GAS2: variants seen among roughly 807,000 people sequenced by gnomAD.
The protein encoded by GAS2 is growth arrest-specific protein 2.
A neutral mutation model predicts 37.5 loss-of-function variants in GAS2; 20 were observed. The ratio of observed to expected loss-of-function variants is 0.53; its 90% confidence interval spans 0.37 to 0.77. The LOEUF (loss-of-function observed/expected upper bound fraction) is 0.77. Ranked by LOEUF, GAS2 falls within the 30% of genes least tolerant of loss-of-function variation. The pLI is 0.00. For missense variants in GAS2, 336 were observed against 373.4 expected (o/e 0.90, Z 0.82); for synonymous variants, 144 against 132.2 (o/e 1.09, Z -0.61).
At chr11:22,808,603 C>T (rs541057381) in intron 7 of GAS2, among the ~76,000 whole-genome samples, 17 of 152,320 alleles carry the variant, frequency 1.1e-4, no homozygotes, top group African/African-American at 3.4e-4. Flanking sequence ...TGTTTAAAAA[C>T]TGTTGTGACT....
intron 7 of GAS2, among the ~76,000 whole-genome samples, chr11:22,757,530 G>A (rs1854113706): frequency 6.6e-6 from 1 of 152,122 alleles, no homozygotes; most frequent in Non-Finnish European, 1.5e-5. Flanking sequence ...CCTGCAATAA[G>A]AGAGTTAACT....
chr11:22,715,635 T>C (rs1851638630), intron 3 of GAS2, among the ~76,000 whole-genome samples: 2 of 151,858 alleles, frequency 1.3e-5, no homozygotes. Flanking sequence ...ACAACCCTTG[T>C]AGATTAAACC....
intron 7 of GAS2, among the ~76,000 whole-genome samples, chr11:22,805,849 GT>G (rs2134671377): frequency 6.6e-6 from 1 of 152,188 alleles, no homozygotes; most frequent in Non-Finnish European, 1.5e-5. Context: ...ACCATATAGG[GT>G]AACTTCCTGA....
intron 7 of GAS2, among the ~76,000 whole-genome samples, chr11:22,796,376 T>C (rs189838195): frequency 4.6e-5 from 7 of 152,252 alleles, no homozygotes; most frequent in Non-Finnish European, 1.0e-4. Context: ...TAGTTCCACC[T>C]CTGTCACTCT....
chr11:22,663,357 G>A (rs549014379), upstream of GAS2, among the ~76,000 whole-genome samples: 1 of 151,702 alleles, frequency 6.6e-6, no homozygotes, highest in East Asian at 1.9e-4. Context: ...AGAGCCTGAA[G>A]GTCAAGGCTG....
Position 22,661,324 on chromosome 11 carries a change from G to GATTT in GAS2, c.-20-13504_-20-13501dup, listed in dbSNP as rs200705441. On this transcript the variant is annotated intron_variant, in intron 1 of 5. Coordinates refer to the GAS2 transcript ENST00000528582. ...TCCCTTGGATATGCAGTGGTTTTAT[G>GATTT]ATTTATTTATTTATTTATTTATTTA... Among the ~76,000 whole-genome samples the GATTT allele has an allele frequency of 4.2e-3, 635 of 152,038 alleles. 13 individuals are homozygous for GATTT. In the East Asian group the frequency reaches 0.074, roughly 18 times the overall value.
intron 3 of GAS2, among the ~76,000 whole-genome samples, chr11:22,697,256 A>G (rs1364266641): frequency 1.3e-5 from 2 of 151,744 alleles, no homozygotes; most frequent in African/African-American, 2.4e-5. Context: ...ATAGTTGTAG[A>G]TAAGTGGCGT....
chr11:22,751,709 A>G (rs1348977380), intron 6 of GAS2, among the ~76,000 whole-genome samples: 6 of 151,972 alleles, frequency 3.9e-5, no homozygotes, highest in African/African-American at 1.4e-4. Flanking sequence ...TTTCTTCACT[A>G]GCTTGTCCCC....
chr11:22,749,135 T>G lies in GAS2; in HGVS notation c.489T>G (p.Pro163=), dbSNP rs1327579129. The change falls in exon 6 of 8, where the codon CCT becomes CCG. Residue 163 remains proline (P), a synonymous_variant. Coordinates refer to ENST00000454584, the MANE Select transcript of GAS2 (RefSeq NM_001143830.3). The stretch of plus-strand genomic sequence containing the variant: ...CTTTTTAAAGGTATGGTGTGGAGCC[T>G]CCTGGTTTGATAAAGCTGGAAAAAG... ...GRIAARYGVE[P]PGLIKLEKEI... is the part of the protein sequence containing the mutation. 6.2e-7 allele frequency: 1 copy of G among 1,612,264 alleles called. No homozygotes were observed. The highest frequency in any genetic ancestry group is 8.5e-7 in the Non-Finnish European group (1 of 1,178,940).
intron 1 of GAS2, among the ~76,000 whole-genome samples, chr11:22,658,248 C>A (rs772222670): frequency 6.6e-6 from 1 of 151,950 alleles, no homozygotes; most frequent in East Asian, 1.9e-4. Context: ...AGGCTGGTCT[C>A]GAATTCCTGA....
chr11:22,655,209 C>T (rs569636903), intron 1 of GAS2, among the ~76,000 whole-genome samples: 15 of 152,256 alleles, frequency 9.9e-5, no homozygotes, highest in Admixed American at 4.6e-4. Context: ...TGAACCTTGC[C>T]GCCTACGCTG....
At chr11:22,736,904 G>A (rs71490643) in intron 4 of GAS2, among the ~76,000 whole-genome samples, 72 of 152,144 alleles carry the variant, frequency 4.7e-4, no homozygotes, top group Non-Finnish European at 9.1e-4. Context: ...AAAGAGAATA[G>A]TATGCTCTTT....
At chr11:22,736,094 T>G (rs1852741423) in intron 4 of GAS2, among the ~76,000 whole-genome samples, 1 of 151,858 alleles carries the variant, frequency 6.6e-6, no homozygotes, top group Non-Finnish European at 1.5e-5. Flanking sequence ...TCGTAATATG[T>G]GTTATTGTTC....
intron 6 of GAS2, among the ~76,000 whole-genome samples, chr11:22,750,552 A>T (rs114492079): frequency 0.014 from 2,101 of 152,204 alleles, 57 homozygotes; most frequent in African/African-American, 0.048. Flanking sequence ...TTTGATTTAA[A>T]GCTACTGAAA....
chr11:22,653,001 T>TTCTTTG lies in GAS2; in HGVS notation c.-20-21844_-20-21843insGTCTTT, dbSNP rs776295643. On this transcript the variant is annotated intron_variant, in intron 1 of 5. Transcript: ENST00000528582. ...TTTGTCTTTCTTTCTTTGTCTTTCT[T>TTCTTTG]TCTTTCTTTCTTTCTTTCTTTCTTT... Among the ~76,000 whole-genome samples the TTCTTTG allele has an allele frequency of 1.7e-3, 234 of 139,228 alleles. 1 individual carries two copies. The highest frequency in any genetic ancestry group is 5.9e-3 in the African/African-American group (220 of 37,380). The allele number at this position is 139,228 out of a possible 152,430, so 91.3% of individuals were successfully genotyped here.
chr11:22,721,458 A>G (rs1851944224), intron 3 of GAS2, among the ~76,000 whole-genome samples: 1 of 152,038 alleles, frequency 6.6e-6, no homozygotes. Flanking sequence ...CACCCAGGGT[A>G]ACTACTGGAT....
intron 7 of GAS2, among the ~76,000 whole-genome samples, chr11:22,789,193 G>T (rs1465670157): frequency 6.7e-6 from 1 of 148,388 alleles, no homozygotes; most frequent in Non-Finnish European, 1.5e-5. Flanking sequence ...TAATTTGATG[G>T]AGATACTTTT....
chr11:22,655,291 A>G (rs938230840), intron 1 of GAS2, among the ~76,000 whole-genome samples: 3 of 152,168 alleles, frequency 2.0e-5, no homozygotes, highest in African/African-American at 7.2e-5. Context: ...ATATGTAGCA[A>G]TTATTTGATT....
At chr11:22,715,735 C>T (rs919386782) in intron 3 of GAS2, among the ~76,000 whole-genome samples, 1 of 151,838 alleles carries the variant, frequency 6.6e-6, no homozygotes, top group Non-Finnish European at 1.5e-5. Flanking sequence ...AAGTTCAGGA[C>T]CAGGAAGATT....
Sources: gnomAD v4.1 joint callset for allele counts (sites outside exome capture counted in the v4.1 genomes callset) on GRCh38, gnomAD v4.1.1 for gene constraint, MANE v1.5 for transcripts, NCBI Gene and HGNC (gene_info 2026-07-23, HGNC 2026-07-21) for gene names.